Variants in SYNPR observed in about 807,000 individuals in gnomAD.
The protein encoded by SYNPR is synaptoporin.
SYNPR carries 23 observed loss-of-function variants against 32.9 expected under a neutral mutation model. The observed-to-expected ratio is 0.70, with a 90% CI of 0.50 to 0.99. The LOEUF is 0.99. Ranked by LOEUF, SYNPR falls within the 50% of genes least tolerant of loss-of-function variation. The pLI, the probability that SYNPR is intolerant of heterozygous loss-of-function variation, is 0.00. For synonymous variants in SYNPR, 146 were observed against 135.9 expected (o/e 1.07, Z -0.52); for missense variants, 318 against 349.3 (o/e 0.91, Z 0.71).
intron 2 of SYNPR, among the ~76,000 whole-genome samples, chr3:63,363,792 T>C (rs927598497): frequency 6.6e-6 from 1 of 152,168 alleles, no homozygotes; most frequent in Non-Finnish European, 1.5e-5. Flanking sequence ...AACCCTAGAA[T>C]GTTCATACTT....
chr3:63,456,466 C>T (rs903878654), intron 2 of SYNPR, among the ~76,000 whole-genome samples: 3 of 152,064 alleles, frequency 2.0e-5, no homozygotes, highest in African/African-American at 7.2e-5. Flanking sequence ...GTAAGGATTA[C>T]AGTTTCCATT....
At chr3:63,256,237 G>A (rs1427303148) in intron 2 of SYNPR, among the ~76,000 whole-genome samples, 4 of 152,190 alleles carry the variant, frequency 2.6e-5, no homozygotes, top group African/African-American at 4.8e-5. Context: ...CTCCCAGCAC[G>A]CAGCTGGAGA....
At chr3:63,396,082 A>C (rs2088209125) in intron 2 of SYNPR, among the ~76,000 whole-genome samples, 2 of 152,172 alleles carry the variant, frequency 1.3e-5, no homozygotes, top group South Asian at 4.1e-4. Context: ...TCTTGACCAG[A>C]CAGAAAACAG....
chr3:63,610,507 A>T (rs1461245638), intron 5 of SYNPR: 7 of 700,310 alleles, frequency 1.0e-5, no homozygotes, highest in Non-Finnish European at 1.8e-5. Context: ...GGCACTTAAG[A>T]AGAGAGAAAG....
chr3:63,570,534 C>G, intron 4 of SYNPR, among the ~76,000 whole-genome samples: 1 of 152,148 alleles, frequency 6.6e-6, no homozygotes, highest in South Asian at 2.1e-4. Context: ...AGCTACTGAG[C>G]TGCTACCTGC....
intron 4 of SYNPR, among the ~76,000 whole-genome samples, chr3:63,570,122 T>A (rs1293954314): frequency 6.6e-6 from 1 of 152,178 alleles, no homozygotes; most frequent in Non-Finnish European, 1.5e-5. Context: ...GGATTTGTGT[T>A]CCTGATTAGA....
chr3:63,494,452 T>TATATACATATATATACACATATATATAC (rs1701326119), intron 3 of SYNPR, among the ~76,000 whole-genome samples: 1 of 123,900 alleles, frequency 8.1e-6, no homozygotes, highest in African/African-American at 3.3e-5. Context: ...TATATACACA[T>TATATACATATATATACACATATATATAC]ATATATACAT....
At chr3:63,310,387 C>T (rs1399707042) in intron 2 of SYNPR, among the ~76,000 whole-genome samples, 1 of 151,984 alleles carries the variant, frequency 6.6e-6, no homozygotes, top group Non-Finnish European at 1.5e-5. Flanking sequence ...AAGTTCAAAT[C>T]ATAGTCATTA....
Position 63,278,341 on chromosome 3 carries a change from G to A in SYNPR, c.-193G>A, listed in dbSNP as rs868332288. On this transcript the variant is annotated 5_prime_UTR_variant, in exon 1 of 6. Transcript: ENST00000478300. Reference sequence around the variant, plus strand: ...CTGACTCGCTTCGCTTCCCCGACGCGCTGGGTTCCCGGAGCGCAGAGCCCA... The same window carrying A: ...CTGACTCGCTTCGCTTCCCCGACGCACTGGGTTCCCGGAGCGCAGAGCCCA... 50 of 655,728 alleles carry A rather than the reference G, an allele frequency of 7.6e-5. No individual in the cohort carries two copies. In the African/African-American group the frequency reaches 7.7e-4, roughly 10 times the overall value. 40.6% of individuals were successfully genotyped at this position (655,728 alleles called of 1,614,324 possible).
chr3:63,470,689 T>A (rs1164075039), intron 2 of SYNPR, among the ~76,000 whole-genome samples: 1 of 152,134 alleles, frequency 6.6e-6, no homozygotes, highest in Non-Finnish European at 1.5e-5. Flanking sequence ...TCAACAATCA[T>A]CCCAACCCTC....
At chr3:63,401,033 CA>C (rs1282139914) in intron 2 of SYNPR, among the ~76,000 whole-genome samples, 1 of 149,826 alleles carries the variant, frequency 6.7e-6, no homozygotes. Context: ...ATGCAATACA[CA>C]AAAAAGGTTT....
chr3:63,202,077 A>G, the SYNPR span, among the ~76,000 whole-genome samples: 16 of 152,270 alleles, frequency 1.1e-4, no homozygotes, highest in South Asian at 3.3e-3. Context: ...TTCAAAAGAA[A>G]GTGGGCCTGG....
In SYNPR at chr3:63,492,988, A is replaced by T. The variant is rs565662830; in HGVS notation, c.209+12032A>T. On this transcript the variant is annotated intron_variant, in intron 3 of 5. Coordinates refer to ENST00000478300, the MANE Select transcript of SYNPR (RefSeq NM_001130003.2). Reference sequence around the variant, plus strand: ...CCCACTCTTATCTGTATGTTATGTCATGTGCCTTGAAAATGTGTGGTGCCT... The same window carrying T: ...CCCACTCTTATCTGTATGTTATGTCTTGTGCCTTGAAAATGTGTGGTGCCT... Among the ~76,000 whole-genome samples, 3 of 152,236 alleles carry T rather than the reference A, an allele frequency of 2.0e-5. No homozygotes were observed. In the South Asian group the frequency reaches 6.2e-4, roughly 32 times the overall value.
intron 2 of SYNPR, among the ~76,000 whole-genome samples, chr3:63,428,174 T>C (rs909191560): frequency 3.9e-5 from 6 of 152,242 alleles, no homozygotes; most frequent in African/African-American, 1.4e-4. Context: ...TGTATCATCT[T>C]GAGTATTAAA....
chr3:63,458,008 T>C (rs1246588112), intron 2 of SYNPR, among the ~76,000 whole-genome samples: 1 of 152,152 alleles, frequency 6.6e-6, no homozygotes, highest in African/African-American at 2.4e-5. Context: ...CTCATTTAAT[T>C]TTATTCTTAC....
intron 2 of SYNPR, among the ~76,000 whole-genome samples, chr3:63,452,614 T>C (rs1251339512): frequency 6.6e-6 from 1 of 152,096 alleles, no homozygotes; most frequent in Non-Finnish European, 1.5e-5. Context: ...CTATACCTCA[T>C]ACACAGGACT....
chr3:63,411,699 C>T (rs990418834), intron 2 of SYNPR, among the ~76,000 whole-genome samples: 1 of 151,872 alleles, frequency 6.6e-6, no homozygotes, highest in African/African-American at 2.4e-5. Context: ...AAACATGGCA[C>T]ATTTGAAGAA....
At chr3:63,592,573 T>C (rs1261457816) in intron 4 of SYNPR, among the ~76,000 whole-genome samples, 2 of 152,056 alleles carry the variant, frequency 1.3e-5, no homozygotes, top group Non-Finnish European at 1.5e-5. Flanking sequence ...ATAAATATTG[T>C]CTCTATTCTA....
chr3:63,492,733 A>T (rs778910612), intron 3 of SYNPR, among the ~76,000 whole-genome samples: 1 of 152,158 alleles, frequency 6.6e-6, no homozygotes, highest in Non-Finnish European at 1.5e-5. Context: ...CAGAGCAGGC[A>T]TGGGGGAGTG....
Sources: allele counts gnomAD v4.1 joint callset (sites outside exome capture counted in the v4.1 genomes callset), GRCh38; gene constraint gnomAD v4.1.1; transcripts MANE v1.5; gene names NCBI Gene and HGNC (gene_info 2026-07-23, HGNC 2026-07-21).